NRXN1: variants seen among roughly 807,000 people sequenced by gnomAD.
NRXN1 encodes neurexin 1.
In NRXN1, 39 loss-of-function variants were observed where a neutral mutation model predicts 150.9. The ratio of observed to expected loss-of-function variants is 0.26; its 90% confidence interval spans 0.20 to 0.34. The LOEUF is 0.34. NRXN1 is among the 10% of genes least tolerant of loss of function. NRXN1 has a pLI of 1.00. For synonymous variants in NRXN1, 924 were observed against 757.0 expected (o/e 1.22, Z -3.62); for missense variants, 1,815 against 1,949.9 (o/e 0.93, Z 1.30).
chr2:50,592,387 C>T (rs981445609), intron 8 of NRXN1, among the ~76,000 whole-genome samples: 3 of 152,090 alleles, frequency 2.0e-5, no homozygotes, highest in Admixed American at 1.3e-4. Context: ...GCACTCTGTG[C>T]ATCCCAAAAG....
intron 2 of NRXN1, among the ~76,000 whole-genome samples, chr2:50,934,403 T>C (rs957925095): frequency 9.8e-5 from 15 of 152,348 alleles, no homozygotes; most frequent in South Asian, 2.1e-4. Flanking sequence ...GTATCTGTTA[T>C]TTCAATTTTG....
intron 18 of NRXN1, among the ~76,000 whole-genome samples, chr2:50,115,922 C>T (rs558284962): frequency 1.3e-5 from 2 of 152,018 alleles, no homozygotes; most frequent in African/African-American, 4.8e-5. Context: ...AGTAATTTTT[C>T]ATAGGATCAG....
intron 5 of NRXN1, among the ~76,000 whole-genome samples, chr2:50,815,186 A>G (rs920310872): frequency 6.6e-6 from 1 of 152,138 alleles, no homozygotes; most frequent in African/African-American, 2.4e-5. Context: ...TCATGACAAC[A>G]AAACTACATT....
At chr2:50,083,903 C>G (rs946520024) in intron 19 of NRXN1, among the ~76,000 whole-genome samples, 2 of 152,090 alleles carry the variant, frequency 1.3e-5, no homozygotes, top group African/African-American at 4.8e-5. Flanking sequence ...AAAGGTTCTC[C>G]AAGTCCGCAC....
intron 17 of NRXN1, among the ~76,000 whole-genome samples, chr2:50,441,157 G>A (rs1375106878): frequency 6.6e-6 from 1 of 151,980 alleles, no homozygotes; most frequent in Non-Finnish European, 1.5e-5. Context: ...TATCACTTAA[G>A]GAATCTAGGG....
At chr2:50,020,037 C>T (rs1234911676) in intron 21 of NRXN1, among the ~76,000 whole-genome samples, 2 of 142,822 alleles carry the variant, frequency 1.4e-5, no homozygotes, top group Non-Finnish European at 3.0e-5. Flanking sequence ...TTCAGAGGAG[C>T]ATGTAGTGCA....
chr2:49,971,943 T>C (rs999356654), intron 21 of NRXN1, among the ~76,000 whole-genome samples: 1 of 152,144 alleles, frequency 6.6e-6, no homozygotes, highest in East Asian at 1.9e-4. Context: ...AATGGAAACT[T>C]TCTTTGGAGA....
At position 50,042,841 on chromosome 2, in the gene NRXN1, G is replaced by A. The variant is rs543349801; in HGVS notation, c.4128+10430C>T. On this transcript the variant is annotated intron_variant, in intron 21 of 22. Transcript: ENST00000401669. ...CAAAGTGCTATGAAAACAGGAAACA[G>A]GTTCTGCTTGGGGTTGTTCAGGAAA... Among the ~76,000 whole-genome samples, 46 of 152,094 alleles carry A rather than the reference G, an allele frequency of 3.0e-4. 2 individuals are homozygous for A.
chr2:50,199,768 T>C (rs55721040), intron 18 of NRXN1, among the ~76,000 whole-genome samples: 3,373 of 152,162 alleles, frequency 0.022, 128 homozygotes, highest in African/African-American at 0.078. Context: ...ATTAACTAAC[T>C]GAATGATACA....
chr2:50,636,106 T>A (rs1308519510), intron 5 of NRXN1, among the ~76,000 whole-genome samples: 1 of 152,172 alleles, frequency 6.6e-6, no homozygotes, highest in Non-Finnish European at 1.5e-5. Flanking sequence ...CTAGGAGCAC[T>A]TGGTTAATTA....
At chr2:50,770,686 T>TA (rs1204513765) in intron 5 of NRXN1, among the ~76,000 whole-genome samples, 1 of 152,104 alleles carries the variant, frequency 6.6e-6, no homozygotes, top group African/African-American at 2.4e-5. Context: ...TTAAATTTTT[T>TA]ATTACTATTT....
chr2:51,028,212 A>C lies in NRXN1; in HGVS notation c.62T>G (p.Leu21Arg). 6.7e-7 allele frequency: 1 copy of C among 1,482,434 alleles called. No individual in the cohort carries two copies. Among genetic ancestry groups the C allele is most frequent in the Non-Finnish European group, 8.9e-7 (1 of 1,123,606 alleles). The allele number at this position is 1,482,434 out of a possible 1,614,324, so 91.8% of individuals were successfully genotyped here. A position where few individuals can be genotyped will look rare whatever the true frequency, so the allele number is the denominator to read the frequency against. Residue 21 changes from leucine to arginine, a missense_variant, in exon 2 of 23, where the codon CTG (leucine) becomes CGG (arginine). This residue lies in a region of NRXN1 where 554 missense variants were observed against 478.8 expected (regional missense o/e 1.16). Coordinates refer to ENST00000401669, the MANE Select transcript of NRXN1 (RefSeq NM_001330078.2). Reference sequence around the variant, plus strand: ...GCTGCCCAGCTCCGCCCAGCAGCCCAGGAGCAGCAGCGAGAGGCACAGAAG... The same window carrying C: ...GCTGCCCAGCTCCGCCCAGCAGCCCCGGAGCAGCAGCGAGAGGCACAGAAG... The part of the protein sequence containing the change: ...CFLLCLSLLL[L>R]GCWAELGSGL...
At chr2:50,524,758 C>A (rs952421063) in intron 12 of NRXN1, among the ~76,000 whole-genome samples, 7 of 152,022 alleles carry the variant, frequency 4.6e-5, no homozygotes, top group Non-Finnish European at 8.8e-5. Context: ...AATGTATTTA[C>A]ACCTCAAAAG....
At chr2:49,926,515 C>T in intron 22 of NRXN1, 2 of 394,868 alleles carry the variant, frequency 5.1e-6, no homozygotes, top group East Asian at 3.6e-5. Context: ...CTGCACTATG[C>T]TCTAAATCAA....
chr2:50,043,541 T>C (rs537675915), intron 21 of NRXN1, among the ~76,000 whole-genome samples: 319 of 152,334 alleles, frequency 2.1e-3, no homozygotes, highest in Non-Finnish European at 3.5e-3. Context: ...CAATTTCTTT[T>C]GGAAGAAACT....
At chr2:49,961,788 C>G (rs1328884449) in intron 21 of NRXN1, among the ~76,000 whole-genome samples, 2 of 152,100 alleles carry the variant, frequency 1.3e-5, no homozygotes, top group African/African-American at 2.4e-5. Flanking sequence ...GTGAGTAGCA[C>G]CAAAAATATT....
chr2:50,512,532 A>T (rs1198587453), intron 12 of NRXN1, among the ~76,000 whole-genome samples: 2 of 152,224 alleles, frequency 1.3e-5, no homozygotes, highest in Non-Finnish European at 2.9e-5. Flanking sequence ...AAAGAATAGC[A>T]TTCAAGGGAT....
At chr2:50,643,618 A>G (rs1182499336) in intron 5 of NRXN1, among the ~76,000 whole-genome samples, 1 of 151,894 alleles carries the variant, frequency 6.6e-6, no homozygotes, top group East Asian at 1.9e-4. Flanking sequence ...TTACTTTTCC[A>G]CATGTATAAT....
intron 17 of NRXN1, among the ~76,000 whole-genome samples, chr2:50,454,471 T>C (rs2087325887): frequency 6.6e-6 from 1 of 152,120 alleles, no homozygotes; most frequent in Non-Finnish European, 1.5e-5. Context: ...CATATACACA[T>C]ACACACTCAC....
Sources: gnomAD v4.1 joint callset for allele counts (sites outside exome capture counted in the v4.1 genomes callset) on GRCh38, gnomAD v4.1.1 for gene constraint, gnomAD v4.1.1 regional missense constraint, MANE v1.5 for transcripts, NCBI Gene and HGNC (gene_info 2026-07-23, HGNC 2026-07-21) for gene names.